The following EGFR variants were observed in gnomAD, a reference collection of about 807,000 sequenced individuals.
EGFR encodes avian erythroblastic leukemia viral (v-erb-b) oncogene homolog.
A neutral mutation model predicts 143.0 loss-of-function variants in EGFR; 58 were observed. The ratio of observed to expected loss-of-function variants is 0.41; its 90% CI spans 0.33 to 0.50. EGFR has a LOEUF of 0.50. Ranked by LOEUF, EGFR falls within the 20% of genes least tolerant of loss-of-function variation. The probability of loss-of-function intolerance (pLI) is 0.39; values close to 1 mark genes in which losing one functional copy is unlikely to be tolerated. For synonymous variants in EGFR, 613 were observed against 594.4 expected (o/e 1.03, Z -0.45); for missense variants, 1,307 against 1,579.0 (o/e 0.83, Z 2.92).
At chr7:55,106,036 A>G (rs1792104367) in intron 1 of EGFR, among the ~76,000 whole-genome samples, 1 of 152,242 alleles carries the variant, frequency 6.6e-6, no homozygotes. Context: ...AGAATTTGGT[A>G]TAGGAGTTGT....
At chr7:55,141,520 C>T (rs573416679) in intron 1 of EGFR, among the ~76,000 whole-genome samples, 5 of 152,166 alleles carry the variant, frequency 3.3e-5, no homozygotes, top group South Asian at 2.1e-4. Flanking sequence ...GGAGTGTGGA[C>T]GAGCATAGGG....
chr7:55,101,611 G>T (rs1262784782), intron 1 of EGFR, among the ~76,000 whole-genome samples: 1 of 152,160 alleles, frequency 6.6e-6, no homozygotes, highest in Non-Finnish European at 1.5e-5. Context: ...GGCTGAGGCT[G>T]CTGCCCTGAC....
At chr7:55,174,919 TC>T in intron 19 of EGFR, 99 bp downstream of exon 19, 1 of 885,192 alleles carries the variant, frequency 1.1e-6, no homozygotes, top group Non-Finnish European at 1.9e-6. Flanking sequence ...CCTGCTCATC[TC>T]CACATCCTAA....
At chr7:55,201,442 A>T (rs1787845881) in intron 25 of EGFR, 87 bp downstream of exon 25, 2 of 1,568,752 alleles carry the variant, frequency 1.3e-6, no homozygotes, top group South Asian at 2.2e-5. Flanking sequence ...CCATCTAGTG[A>T]AACTCACATG....
chr7:55,056,262 C>G (rs1372628124), intron 1 of EGFR, among the ~76,000 whole-genome samples: 3 of 152,140 alleles, frequency 2.0e-5, no homozygotes, highest in Non-Finnish European at 2.9e-5. Flanking sequence ...TATGTGAAGG[C>G]CCGCATCTGG....
At chr7:55,114,879 C>CTTT (rs777244842) in intron 1 of EGFR, among the ~76,000 whole-genome samples, 20 of 122,760 alleles carry the variant, frequency 1.6e-4, no homozygotes, top group East Asian at 2.4e-4. Context: ...TTGTATTATT[C>CTTT]TTTTTTTTTT....
chr7:55,106,894 C>T (rs962776841), intron 1 of EGFR, among the ~76,000 whole-genome samples: 3 of 152,084 alleles, frequency 2.0e-5, no homozygotes, highest in Non-Finnish European at 4.4e-5. Context: ...ACCTTATTAC[C>T]CATGGAATTG....
chr7:55,059,365 C>G (rs1417794043), intron 1 of EGFR, among the ~76,000 whole-genome samples: 1 of 152,180 alleles, frequency 6.6e-6, no homozygotes, highest in Admixed American at 6.5e-5. Flanking sequence ...GGAGTTCCAG[C>G]ACGGCCCCTG....
intron 18 of EGFR, 122 bp from the exon 19 acceptor site, chr7:55,174,600 C>T: frequency 1.1e-6 from 1 of 876,354 alleles, no homozygotes; most frequent in Non-Finnish European, 1.9e-6. Flanking sequence ...GGTGCGGCTC[C>T]ACAGCCCCAG....
intron 1 of EGFR, among the ~76,000 whole-genome samples, chr7:55,037,279 G>T (rs915847501): frequency 3.8e-4 from 58 of 152,160 alleles, no homozygotes; most frequent in African/African-American, 1.3e-3. Context: ...AAAAGCTGCT[G>T]GGTACAGGGT....
At chr7:55,090,118 G>A (rs1486128337) in intron 1 of EGFR, among the ~76,000 whole-genome samples, 4 of 152,044 alleles carry the variant, frequency 2.6e-5, no homozygotes, top group African/African-American at 7.2e-5. Context: ...ACAGGCACGT[G>A]CCACCACGCC....
Position 55,202,796 on chromosome 7 carries a change from G to A in EGFR, c.3271+171G>A, listed in dbSNP as rs772744515. ...GTAAGGAGCAGATAAACACATGACC[G>A]AGCCTGCACAAGCTCTTTGTTGTGT... On this transcript the variant is annotated intron_variant, in intron 27 of 27. Coordinates refer to ENST00000275493, the MANE Select transcript of EGFR (RefSeq NM_005228.5). The A allele has an allele frequency of 2.4e-5, 17 of 720,986 alleles. No homozygotes were observed. The East Asian group carries it at 2.7e-4, about 11-fold the overall frequency. The allele number at this position is 720,986 out of a possible 1,614,324, so 44.7% of individuals were successfully genotyped here. A position where few individuals can be genotyped will look rare whatever the true frequency, so the allele number is the denominator to read the frequency against.
chr7:55,161,751 T>C (rs1785716686), intron 13 of EGFR, 120 bp downstream of exon 13: 4 of 1,552,956 alleles, frequency 2.6e-6, no homozygotes, highest in Non-Finnish European at 3.5e-6. Context: ...CCCTTGGCTT[T>C]TGGAGGTTTT....
intron 1 of EGFR, among the ~76,000 whole-genome samples, chr7:55,034,997 T>G (rs1787475932): frequency 6.6e-6 from 1 of 152,156 alleles, no homozygotes; most frequent in Non-Finnish European, 1.5e-5. Context: ...ATCCTAGAGG[T>G]TGTACAGCAC....
chr7:55,025,864 A>C (rs1196541940), intron 1 of EGFR, among the ~76,000 whole-genome samples: 1 of 152,240 alleles, frequency 6.6e-6, no homozygotes, highest in Non-Finnish European at 1.5e-5. Context: ...TAAGTGTACC[A>C]GAAGTCATGT....
At position 55,207,935 on chromosome 7, in the gene EGFR, C is replaced by G. The variant is rs1170335041; in HGVS notation, c.*2318C>G. On this transcript the variant is annotated 3_prime_UTR_variant, in exon 28 of 28. Coordinates refer to ENST00000275493, the MANE Select transcript of EGFR (RefSeq NM_005228.5). The stretch of plus-strand genomic sequence containing the variant: ...AAATATTTCAGTCAGAACTGGGAAA[C>G]AGAAGGACCTACATTCTGCTGTCAC... 2 of 152,210 alleles carry G rather than the reference C, an allele frequency of 1.3e-5. No homozygotes were observed. Among genetic ancestry groups the G allele is most frequent in the Non-Finnish European group, 1.5e-5 (1 of 68,038 alleles). The allele number at this position is 152,210 out of a possible 1,614,324, so 9.4% of individuals were successfully genotyped here.
chr7:55,067,973 C>A (rs115629340), intron 1 of EGFR, among the ~76,000 whole-genome samples: 1 of 150,066 alleles, frequency 6.7e-6, no homozygotes. Context: ...TACGTGTGTA[C>A]GTGTGTGTGC....
chr7:55,036,937 C>T (rs1787618494), intron 1 of EGFR, among the ~76,000 whole-genome samples: 2 of 152,184 alleles, frequency 1.3e-5, no homozygotes, highest in South Asian at 2.1e-4. Context: ...CATTGTCAGG[C>T]TTCTGTGGAG....
chr7:55,117,569 T>A (rs1792940694), intron 1 of EGFR, among the ~76,000 whole-genome samples: 1 of 152,176 alleles, frequency 6.6e-6, no homozygotes, highest in Non-Finnish European at 1.5e-5. Flanking sequence ...ATGGGAGAAC[T>A]CCTCCAGGGA....
Sources: allele counts gnomAD v4.1 joint callset (sites outside exome capture counted in the v4.1 genomes callset), GRCh38; gene constraint gnomAD v4.1.1; transcripts MANE v1.5; gene names NCBI Gene and HGNC (gene_info 2026-07-23, HGNC 2026-07-21).